FOXP1: variants seen among roughly 807,000 people sequenced by gnomAD.
The protein encoded by FOXP1 is forkhead box protein P1.
Under a neutral mutation model 98.2 loss-of-function variants are expected in FOXP1, and 15 were observed. The observed-to-expected ratio is 0.15, with a 90% CI of 0.10 to 0.24. The LOEUF is 0.24. Among genes scored for constraint, FOXP1 ranks in the 10% least tolerant of loss-of-function variants. The probability of loss-of-function intolerance (pLI) is 1.00; values close to 1 mark genes in which losing one functional copy is unlikely to be tolerated. For missense variants in FOXP1, 633 were observed against 848.5 expected, an observed-to-expected ratio of 0.75 and a Z score of 3.15; for synonymous variants, 371 against 314.5, an observed-to-expected ratio of 1.18 and a Z score of -1.90.
intron 6 of FOXP1, among the ~76,000 whole-genome samples, chr3:71,182,954 T>A (rs983192797): frequency 6.6e-6 from 1 of 151,984 alleles, no homozygotes; most frequent in Non-Finnish European, 1.5e-5. Flanking sequence ...ATTATGATAA[T>A]TTTTAAAGTA....
intron 17 of FOXP1, among the ~76,000 whole-genome samples, chr3:70,973,775 C>T (rs1289229133): frequency 6.6e-6 from 1 of 150,658 alleles, no homozygotes; most frequent in Non-Finnish European, 1.5e-5. Flanking sequence ...ATACATCACA[C>T]TGGGTAAAGT....
intron 2 of FOXP1, among the ~76,000 whole-genome samples, chr3:71,577,583 G>A (rs1011861507): frequency 8.5e-5 from 13 of 152,064 alleles, no homozygotes; most frequent in African/African-American, 2.4e-4. Context: ...TCCAAGTACC[G>A]GAGAAGAGAA....
chr3:71,502,318 G>A (rs965346739), intron 2 of FOXP1, among the ~76,000 whole-genome samples: 2 of 152,232 alleles, frequency 1.3e-5, no homozygotes, highest in Admixed American at 6.5e-5. Context: ...GGACGGTCAA[G>A]TGAACAGAGA....
chr3:71,122,413 C>G (rs997320897), intron 6 of FOXP1, among the ~76,000 whole-genome samples: 1 of 152,088 alleles, frequency 6.6e-6, no homozygotes, highest in Admixed American at 6.5e-5. Flanking sequence ...TCACTACTGG[C>G]CAAATATTAG....
At chr3:71,222,395 C>A (rs1026574548) in intron 5 of FOXP1, among the ~76,000 whole-genome samples, 22 of 151,988 alleles carry the variant, frequency 1.4e-4, no homozygotes, top group Non-Finnish European at 2.8e-4. Flanking sequence ...ATTCAAAAAC[C>A]CTTCACTCCC....
chr3:71,270,418 T>G (rs1473211727), intron 5 of FOXP1, among the ~76,000 whole-genome samples: 5 of 152,186 alleles, frequency 3.3e-5, no homozygotes, highest in African/African-American at 4.8e-5. Context: ...AAAGTGTCAC[T>G]GGGACCTGGC....
intron 5 of FOXP1, among the ~76,000 whole-genome samples, chr3:71,253,140 A>G (rs1191120492): frequency 6.6e-6 from 1 of 152,248 alleles, no homozygotes; most frequent in African/African-American, 2.4e-5. Flanking sequence ...AAAAATTAAA[A>G]GGTCAAAAAA....
chr3:71,425,784 A>G (rs2084104769), intron 3 of FOXP1, among the ~76,000 whole-genome samples: 1 of 152,164 alleles, frequency 6.6e-6, no homozygotes, highest in Non-Finnish European at 1.5e-5. Context: ...ATGAGTATCT[A>G]TGAATACCTC....
At chr3:71,558,898 G>A (rs538661564) in intron 2 of FOXP1, among the ~76,000 whole-genome samples, 11 of 147,936 alleles carry the variant, frequency 7.4e-5, no homozygotes, top group Admixed American at 4.7e-4. Context: ...TGCCTCCCGG[G>A]TTCAAGCAAT....
chr3:71,056,201 A>G (rs930534752), intron 7 of FOXP1, among the ~76,000 whole-genome samples: 2 of 152,236 alleles, frequency 1.3e-5, no homozygotes, highest in Non-Finnish European at 2.9e-5. Flanking sequence ...TTTAAAAGTT[A>G]CATATGTCTC....
intron 3 of FOXP1, among the ~76,000 whole-genome samples, chr3:71,443,508 A>G (rs970488147): frequency 3.9e-5 from 6 of 152,144 alleles, no homozygotes; most frequent in Non-Finnish European, 4.4e-5. Flanking sequence ...ACCCTGATGC[A>G]CACTCGAGTT....
chr3:71,579,940 G>C (rs370065800), intron 2 of FOXP1, among the ~76,000 whole-genome samples: 1 of 151,974 alleles, frequency 6.6e-6, no homozygotes, highest in African/African-American at 2.4e-5. Flanking sequence ...CCCAGAGAGG[G>C]GCTGAGTATT....
intron 4 of FOXP1, among the ~76,000 whole-genome samples, chr3:71,316,238 G>A (rs1044944629): frequency 6.6e-6 from 1 of 152,126 alleles, no homozygotes; most frequent in African/African-American, 2.4e-5. Flanking sequence ...GTACTCGCTG[G>A]GAAACAGCCC....
At chr3:71,063,725 A>C (rs1234597408) in intron 7 of FOXP1, among the ~76,000 whole-genome samples, 1 of 152,216 alleles carries the variant, frequency 6.6e-6, no homozygotes, top group Non-Finnish European at 1.5e-5. Flanking sequence ...AGAATGCTGG[A>C]ATCTATGGAA....
Position 71,582,547 on chromosome 3 carries a change from C to A in FOXP1, c.-446-850G>T, listed in dbSNP as rs997080426. On this transcript the variant is annotated intron_variant, in intron 1 of 20. Coordinates refer to ENST00000649528, the MANE Select transcript of FOXP1 (RefSeq NM_001349338.3). ...CCAGGACAGGGCCGGAGGGACGAGG[C>A]GACACGCGCGCGACGCAGGACAAAT... The A allele has an allele frequency of 8.1e-6, 8 of 985,286 alleles. No homozygotes were observed. In the African/African-American group the frequency reaches 1.2e-4, roughly 15 times the overall value. The allele number at this position is 985,286 out of a possible 1,614,324, so 61.0% of individuals were successfully genotyped here.
intron 3 of FOXP1, among the ~76,000 whole-genome samples, chr3:71,439,614 T>G (rs1263017209): frequency 2.0e-5 from 3 of 152,048 alleles, no homozygotes; most frequent in South Asian, 2.1e-4. Flanking sequence ...ATAAACAAAA[T>G]GTACACACAT....
Position 71,138,993 on chromosome 3 carries a change from A to G in FOXP1, c.181-26356T>C, listed in dbSNP as rs551465560. ...TGATGAACGGATGCCAACAACTCTG[A>G]AAACGGCATCCTGGTTTCGCATGTT... On this transcript the variant is annotated intron_variant, in intron 6 of 20. Transcript: ENST00000649528. Among the ~76,000 whole-genome samples, 474 of 152,360 alleles carry G rather than the reference A, an allele frequency of 3.1e-3. 3 individuals are homozygous for G. The highest frequency in any genetic ancestry group is 3.5e-3 in the Non-Finnish European group (241 of 68,036).
intron 6 of FOXP1, among the ~76,000 whole-genome samples, chr3:71,126,800 G>T (rs1374631205): frequency 6.7e-6 from 1 of 148,376 alleles, no homozygotes; most frequent in East Asian, 2.0e-4. Context: ...CCCCAGACTG[G>T]GTTACAGAGC....
chr3:71,456,000 C>A (rs999667556), intron 3 of FOXP1, among the ~76,000 whole-genome samples: 1 of 152,094 alleles, frequency 6.6e-6, no homozygotes, highest in East Asian at 1.9e-4. Flanking sequence ...ATGAAGCAAG[C>A]CTTCAGGTAA....
Sources: allele counts gnomAD v4.1 joint callset (sites outside exome capture counted in the v4.1 genomes callset), GRCh38; gene constraint gnomAD v4.1.1; transcripts MANE v1.5; gene names NCBI Gene and HGNC (gene_info 2026-07-23, HGNC 2026-07-21).